Variants in COL4A5 observed in about 807,000 individuals in gnomAD.
The protein encoded by COL4A5 is collagen alpha-5(IV) chain.
Under a neutral mutation model 130.2 loss-of-function variants are expected in COL4A5, and 26 were observed. The observed-to-expected ratio is 0.20, with a 90% CI of 0.15 to 0.28. The LOEUF is 0.28. Among genes scored for constraint, COL4A5 ranks in the 10% least tolerant of loss-of-function variants. The probability of loss-of-function intolerance (pLI) is 1.00; values close to 1 mark genes in which losing one functional copy is unlikely to be tolerated. For missense variants in COL4A5, 1,131 were observed against 1,344.3 expected, an observed-to-expected ratio of 0.84 and a Z score of 2.48; for synonymous variants, 496 against 439.6, an observed-to-expected ratio of 1.13 and a Z score of -1.60.
chrX:108,622,211 T>C (rs897628252), intron 32 of COL4A5, among the ~76,000 whole-genome samples: 4 of 112,156 alleles, frequency 3.6e-5, no homozygotes, highest in African/African-American at 1.3e-4. Flanking sequence ...TCACTCCAAA[T>C]TCCATCTCCT....
chrX:108,462,710 C>G (rs769222817), intron 1 of COL4A5: 1 of 112,772 alleles, frequency 8.9e-6, no homozygotes, highest in Non-Finnish European at 1.9e-5. Flanking sequence ...TTCCTATCCT[C>G]CCTCTCTTGT....
At position 108,692,921 on chromosome X, in the gene COL4A5, A is replaced by C. The variant is rs1451779896; in HGVS notation, c.4702A>C (p.Ser1568Arg). ...LKGQSIQPFI[S>R]RCAVCEAPAV... ...GGGCCAGAGCATCCAGCCATTCATT[A>C]GTCGGTAAGGCATTGATTTAGCTGT... Residue 1568 changes from serine to arginine, a missense_variant, in exon 50 of 53, where the codon AGT becomes CGT. Physicochemically the swap from Ser to Arg is moderately radical, Grantham distance 110. Coordinates refer to ENST00000328300, the MANE Select transcript of COL4A5 (RefSeq NM_033380.3). 3 of 1,209,763 alleles carry C rather than the reference A, an allele frequency of 2.5e-6. No individual in the cohort carries two copies. Among genetic ancestry groups the C allele is most frequent in the Non-Finnish European group, 3.4e-6 (3 of 895,049 alleles).
At chrX:108,560,082 G>C (rs756451864) in intron 3 of COL4A5, among the ~76,000 whole-genome samples, 1 of 111,514 alleles carries the variant, frequency 9.0e-6, no homozygotes, top group Non-Finnish European at 1.9e-5. Flanking sequence ...ACTTTAAAGG[G>C]CTCTGTCAAA....
intron 28 of COL4A5, among the ~76,000 whole-genome samples, chrX:108,606,463 C>T (rs771328290): frequency 4.5e-5 from 5 of 110,449 alleles, no homozygotes; most frequent in Non-Finnish European, 7.6e-5. Context: ...TATTTCCCTA[C>T]AAGGGTAGTC....
At chrX:108,632,868 G>T (rs780093159) in intron 36 of COL4A5, among the ~76,000 whole-genome samples, 1 of 111,394 alleles carries the variant, frequency 9.0e-6, no homozygotes, top group Non-Finnish European at 1.9e-5. Context: ...CCCACAGCCA[G>T]TATCATACTG....
In COL4A5 at chrX:108,692,866, G is replaced by T; in HGVS notation, c.4647G>T (p.Glu1549Asp). The T allele has an allele frequency of 5.0e-6, 6 of 1,211,313 alleles. No homozygotes were observed. The highest frequency in any genetic ancestry group is 5.6e-6 in the Non-Finnish European group (5 of 895,269). ...ATTCTTACTGGCTCTCTACCCCAGA[G>T]CCCATGCCAATGAGCATGCAACCCC... ...NDYSYWLSTP[E>D]PMPMSMQPLK... The change falls in exon 50 of 53, where the codon GAG becomes GAT. Residue 1549 changes from glutamate (E) to aspartate (D), a missense_variant. By Grantham distance (45) the Glu-to-Asp change is conservative. Coordinates refer to ENST00000328300, the MANE Select transcript of COL4A5 (RefSeq NM_033380.3).
intron 36 of COL4A5, among the ~76,000 whole-genome samples, chrX:108,636,939 CTTT>C (rs59497827): frequency 0.016 from 1,232 of 76,311 alleles, 20 homozygotes; most frequent in East Asian, 0.06. Flanking sequence ...AATGTAATGT[CTTT>C]TTTTTTTTTT....
chrX:108,448,177 A>C (rs767968669), intron 1 of COL4A5, among the ~76,000 whole-genome samples: 1 of 112,349 alleles, frequency 8.9e-6, no homozygotes, highest in Admixed American at 9.5e-5. Flanking sequence ...AGTCAAAGGC[A>C]AATGTTATAA....
chrX:108,500,969 A>AATT (rs2065074814), intron 1 of COL4A5, among the ~76,000 whole-genome samples: 1 of 110,937 alleles, frequency 9.0e-6, no homozygotes, highest in Non-Finnish European at 1.9e-5. Context: ...GAAACAAAAT[A>AATT]ATTAGAGAAA....
chrX:108,458,025 G>A (rs1351155476), intron 1 of COL4A5, among the ~76,000 whole-genome samples: 1 of 111,632 alleles, frequency 9.0e-6, no homozygotes, highest in Non-Finnish European at 1.9e-5. Flanking sequence ...CCATTTGGTG[G>A]CTTGCGTTTT....
intron 1 of COL4A5, among the ~76,000 whole-genome samples, chrX:108,497,259 C>T (rs1056775670): frequency 5.4e-5 from 6 of 111,894 alleles, no homozygotes; most frequent in African/African-American, 1.9e-4. Flanking sequence ...TTTTGGTTAT[C>T]GGTTTATAAG....
intron 3 of COL4A5, among the ~76,000 whole-genome samples, chrX:108,563,443 G>A (rs1232694912): frequency 9.0e-6 from 1 of 111,441 alleles, no homozygotes; most frequent in African/African-American, 3.3e-5. Flanking sequence ...TTTGAAAACA[G>A]CAAATTCAAG....
At chrX:108,534,170 G>GAGAA (rs759005865) in intron 1 of COL4A5, among the ~76,000 whole-genome samples, 9 of 108,906 alleles carry the variant, frequency 8.3e-5, no homozygotes, top group African/African-American at 1.7e-4. Flanking sequence ...GAGAGAGAAA[G>GAGAA]AGAAAGAAAG....
At chrX:108,606,626 C>T in intron 28 of COL4A5, 116 bp from the exon 29 acceptor site, 1 of 781,191 alleles carries the variant, frequency 1.3e-6, no homozygotes. Flanking sequence ...TCTCCTCTCC[C>T]CCCATGGAAG....
chrX:108,591,653 T>G lies in COL4A5; in HGVS notation c.1423+9T>G. ...AGAACAAGGAGTGAAAGGTTTGATC[T>G]CCAAACATATTCATTCCTTCATTTT... On this transcript the variant is annotated intron_variant, in intron 21 of 52. Coordinates refer to ENST00000328300, the MANE Select transcript of COL4A5 (RefSeq NM_033380.3). 1 of 1,144,679 alleles carries G rather than the reference T, an allele frequency of 8.7e-7. No individual in the cohort carries two copies. The highest frequency in any genetic ancestry group is 1.2e-6 in the Non-Finnish European group (1 of 834,510). 94.3% of individuals were successfully genotyped at this position (1,144,679 alleles called of 1,213,427 possible).
rs1225381486 is a variant in COL4A5, at chrX:108,597,584, AT to A, written c.1779+21del. ...AGGAGAGCCTGTGAGTTGGTTTGAT[AT>A]TTTTGGTTTTGTGATGTTAAATTTT... On this transcript the variant is annotated intron_variant, in intron 24 of 52. Transcript: ENST00000328300. 1 of 1,199,329 alleles carries A rather than the reference AT, an allele frequency of 8.3e-7. No homozygotes were observed. The highest frequency in any genetic ancestry group is 1.1e-6 in the Non-Finnish European group (1 of 887,260).
intron 9 of COL4A5, among the ~76,000 whole-genome samples, chrX:108,575,405 AACC>A (rs1391102120): frequency 8.9e-6 from 1 of 112,275 alleles, no homozygotes; most frequent in Non-Finnish European, 1.9e-5. Context: ...TACCACTTTA[AACC>A]ACAAGTTTTC....
intron 17 of COL4A5, among the ~76,000 whole-genome samples, chrX:108,583,221 G>A (rs963316250): frequency 7.2e-5 from 8 of 111,607 alleles, no homozygotes; most frequent in Non-Finnish European, 1.3e-4. Context: ...AGCATGTATC[G>A]GCAAAACTTC....
chrX:108,647,163 A>G (rs370225097), intron 36 of COL4A5, among the ~76,000 whole-genome samples: 9,507 of 109,754 alleles, frequency 0.087, 1,068 homozygotes, highest in African/African-American at 0.29. Flanking sequence ...TCTATAAATT[A>G]CCTTGGGCAG....
Sources: allele counts gnomAD v4.1 joint callset (sites outside exome capture counted in the v4.1 genomes callset), GRCh38; gene constraint gnomAD v4.1.1; transcripts MANE v1.5; gene names NCBI Gene and HGNC (gene_info 2026-07-23, HGNC 2026-07-21).